INO80: variants seen among roughly 807,000 people sequenced by gnomAD.
The protein encoded by INO80 is INO80 complex ATPase subunit, also known as chromatin-remodeling ATPase INO80.
Under a neutral mutation model 203.4 loss-of-function variants are expected in INO80, and 20 were observed. The observed-to-expected ratio is 0.10, with a 90% CI of 0.07 to 0.14. INO80 has a LOEUF of 0.14. INO80 is among the 10% of genes least tolerant of loss of function. The pLI, the probability that INO80 is intolerant of heterozygous loss-of-function variation, is 1.00. For synonymous variants in INO80, 726 were observed against 685.2 expected (o/e 1.06, Z -0.93); for missense variants, 1,419 against 1,914.4 (o/e 0.74, Z 4.83).
chr15:41,059,837 C>T (rs751996666), intron 15 of INO80, 30 bp downstream of exon 15: 11 of 1,431,120 alleles, frequency 7.7e-6, no homozygotes, highest in East Asian at 2.3e-5. Context: ...ATGTACGGTA[C>T]GTATGTATGC....
chr15:41,070,161 G>A (rs2045288249), intron 13 of INO80, among the ~76,000 whole-genome samples: 1 of 152,230 alleles, frequency 6.6e-6, no homozygotes, highest in Admixed American at 6.5e-5. Flanking sequence ...CTGGTAATAA[G>A]AGTAGAGCTG....
chr15:41,063,126 C>T (rs540863343), intron 14 of INO80, among the ~76,000 whole-genome samples: 3 of 152,090 alleles, frequency 2.0e-5, no homozygotes, highest in Admixed American at 6.6e-5. Flanking sequence ...TACCTGAGGT[C>T]AGGAGTCCAA....
At chr15:41,040,958 A>G (rs769253545) in intron 24 of INO80, among the ~76,000 whole-genome samples, 2 of 152,222 alleles carry the variant, frequency 1.3e-5, no homozygotes, top group Non-Finnish European at 2.9e-5. Flanking sequence ...AATGGCCAAT[A>G]AACACCAGAA....
At chr15:41,089,384 C>A (rs1029461787) in intron 5 of INO80, among the ~76,000 whole-genome samples, 13 of 152,150 alleles carry the variant, frequency 8.5e-5, no homozygotes, top group African/African-American at 2.9e-4. Flanking sequence ...TGGACCTTAA[C>A]TAATTGCTAG....
intron 24 of INO80, among the ~76,000 whole-genome samples, chr15:41,038,230 G>A (rs997127716): frequency 6.6e-6 from 1 of 151,436 alleles, no homozygotes; most frequent in Non-Finnish European, 1.5e-5. Flanking sequence ...TTGCCAGGCT[G>A]GTCTCCTGAC....
At chr15:41,016,355 G>T in intron 26 of INO80, 140 bp from the exon 27 acceptor site, 1 of 767,862 alleles carries the variant, frequency 1.3e-6, no homozygotes. Context: ...TCTAAAGGGA[G>T]AATGCAACGC....
At chr15:40,984,133 G>A in intron 33 of INO80, 64 bp downstream of exon 33, 1 of 1,526,672 alleles carries the variant, frequency 6.6e-7, no homozygotes, top group African/African-American at 1.4e-5. Flanking sequence ...CCAGCAGTGT[G>A]TCCCTGCTAC....
intron 26 of INO80, chr15:41,017,401 C>T (rs959850627): frequency 2.6e-5 from 4 of 151,932 alleles, no homozygotes; most frequent in Non-Finnish European, 5.9e-5. Flanking sequence ...CCATAGGACA[C>T]AAAAAGGGAG....
At chr15:41,106,613 G>T (rs1444990102) in intron 1 of INO80, among the ~76,000 whole-genome samples, 1 of 151,964 alleles carries the variant, frequency 6.6e-6, no homozygotes, top group Non-Finnish European at 1.5e-5. Flanking sequence ...GGGTGACAGG[G>T]CAAGACCCCT....
chr15:41,073,417 T>C lies in INO80; in HGVS notation c.1395+11A>G. On this transcript the variant is annotated intron_variant, in intron 11 of 35. Coordinates refer to ENST00000648947, the MANE Select transcript of INO80 (RefSeq NM_017553.3). ...GCCAATTACAGTAAACCTTTCTATC[T>C]GAAGACTCACCCGAGCTTGGTGAAT... The C allele has an allele frequency of 6.2e-7, 1 of 1,612,040 alleles. No homozygotes were observed. The highest frequency in any genetic ancestry group is 8.5e-7 in the Non-Finnish European group (1 of 1,178,088).
chr15:40,993,651 C>A (rs1004620707), intron 29 of INO80, among the ~76,000 whole-genome samples: 3 of 151,848 alleles, frequency 2.0e-5, no homozygotes, highest in Non-Finnish European at 2.9e-5. Context: ...CCCAGCTACT[C>A]GGGAGGCTGA....
intron 23 of INO80, among the ~76,000 whole-genome samples, chr15:41,046,629 CTGTTT>C (rs947207523): frequency 1.2e-4 from 18 of 151,818 alleles, no homozygotes; most frequent in Non-Finnish European, 2.1e-4. Context: ...TTGTTTTGTT[CTGTTT>C]TGAGACCGAG....
chr15:41,015,044 T>C (rs1406057769), intron 27 of INO80, among the ~76,000 whole-genome samples: 1 of 152,226 alleles, frequency 6.6e-6, no homozygotes, highest in Non-Finnish European at 1.5e-5. Context: ...TAAAGACTTA[T>C]TGTACTAGTT....
chr15:40,982,957 G>C lies in INO80; in HGVS notation c.4358C>G (p.Thr1453Arg). 1 of 1,614,184 alleles carries C rather than the reference G, an allele frequency of 6.2e-7. No individual in the cohort carries two copies. Among genetic ancestry groups the C allele is most frequent in the Non-Finnish European group, 8.5e-7 (1 of 1,180,036 alleles). Residue 1453 changes from threonine to arginine, a missense_variant, in exon 35 of 36, where the codon ACG becomes AGG. Around this residue, in one of 9 missense-constraint regions of INO80, gnomAD observed 214 missense variants for 248.9 expected, o/e 0.86. Transcript: ENST00000648947. Reference protein sequence around the residue: ...GAGKGRSRKSTAGSAAAMAGA... With the variant: ...GAGKGRSRKSRAGSAAAMAGA... ...TGCCATTGCAGCAGCACTGCCTGCC[G>C]TGGACTTTCGGCTCCGGCCCTTCCC...
intron 29 of INO80, among the ~76,000 whole-genome samples, chr15:40,991,240 A>G (rs1420798237): frequency 6.6e-6 from 1 of 152,222 alleles, no homozygotes; most frequent in East Asian, 1.9e-4. Flanking sequence ...ATGGATTCCA[A>G]GAGGTGGGGA....
At chr15:41,015,514 T>C (rs1419146230) in intron 27 of INO80, among the ~76,000 whole-genome samples, 1 of 152,146 alleles carries the variant, frequency 6.6e-6, no homozygotes, top group African/African-American at 2.4e-5. Flanking sequence ...TTAAGAAATG[T>C]CTTCCCTAGT....
At chr15:41,085,331 A>G (rs759084408) in intron 7 of INO80, 38 bp downstream of exon 7, 1 of 1,562,264 alleles carries the variant, frequency 6.4e-7, no homozygotes, top group South Asian at 1.1e-5. Flanking sequence ...GAGAGAAAAC[A>G]TTCTCCTAAT....
intron 24 of INO80, among the ~76,000 whole-genome samples, chr15:41,036,739 A>C (rs1040345043): frequency 6.6e-6 from 1 of 152,188 alleles, no homozygotes; most frequent in African/African-American, 2.4e-5. Context: ...AGTGCCCAAA[A>C]TAACCAGACC....
chr15:41,003,330 T>TTTC (rs1283260899), intron 28 of INO80, among the ~76,000 whole-genome samples: 12 of 9,074 alleles, frequency 1.3e-3, no homozygotes, highest in East Asian at 0.1. Context: ...TTTTCTTTTC[T>TTTC]TTTCTTTTTT....
Sources: gnomAD v4.1 joint callset for allele counts (sites outside exome capture counted in the v4.1 genomes callset) on GRCh38, gnomAD v4.1.1 for gene constraint, gnomAD v4.1.1 regional missense constraint, MANE v1.5 for transcripts, NCBI Gene and HGNC (gene_info 2026-07-23, HGNC 2026-07-21) for gene names.